NLK: variants seen among roughly 807,000 people sequenced by gnomAD.
The protein encoded by NLK is serine/threonine-protein kinase NLK.
A neutral mutation model predicts 59.0 loss-of-function variants in NLK; 11 were observed. The ratio of observed to expected loss-of-function variants is 0.19; its 90% CI spans 0.12 to 0.31. The LOEUF (loss-of-function observed/expected upper bound fraction) is 0.31, where lower values mean the gene tolerates loss of function less well. Ranked by LOEUF, NLK falls within the 10% of genes least tolerant of loss-of-function variation. The pLI is 1.00. For missense variants in NLK, 410 were observed against 661.1 expected, an observed-to-expected ratio of 0.62 and a Z score of 4.16; for synonymous variants, 235 against 235.9, an observed-to-expected ratio of 1.00 and a Z score of 0.03.
At chr17:28,197,323 G>A (rs1909505919), downstream of NLK, among the ~76,000 whole-genome samples, 1 of 152,026 alleles carries the variant, frequency 6.6e-6, no homozygotes, top group Admixed American at 6.6e-5. Context: ...ATAAAAATTA[G>A]CCAGGCATGG....
In NLK at chr17:28,158,287, A is replaced by C. The variant is rs367874522; in HGVS notation, c.645-2873A>C. Among the ~76,000 whole-genome samples, 61 of 152,362 alleles carry C rather than the reference A, an allele frequency of 4.0e-4. 1 individual carries two copies. Among genetic ancestry groups the C allele is most frequent in the African/African-American group, 1.4e-3 (58 of 41,594 alleles). On this transcript the variant is annotated intron_variant, in intron 3 of 10. Coordinates refer to ENST00000407008, the MANE Select transcript of NLK (RefSeq NM_016231.5). ...TTTGTATATCTAAACGTATCTGAACATAGAAAAGGTACAGTAAAAATATGA... is the reference window on the plus strand; with the variant it reads ...TTTGTATATCTAAACGTATCTGAACCTAGAAAAGGTACAGTAAAAATATGA...
chr17:28,080,993 G>A (rs1466066263), intron 1 of NLK, among the ~76,000 whole-genome samples: 2 of 151,316 alleles, frequency 1.3e-5, no homozygotes, highest in East Asian at 1.9e-4. Context: ...GGGCTCAATC[G>A]ATCCACCCAC....
At chr17:28,115,505 A>G (rs568938138) in intron 1 of NLK, among the ~76,000 whole-genome samples, 9 of 152,282 alleles carry the variant, frequency 5.9e-5, no homozygotes, top group African/African-American at 2.2e-4. Flanking sequence ...TTTCTGTTTC[A>G]TCTGTCTTTG....
chr17:28,121,415 A>G (rs1159299158), intron 1 of NLK, among the ~76,000 whole-genome samples: 3 of 150,998 alleles, frequency 2.0e-5, no homozygotes, highest in African/African-American at 7.3e-5. Context: ...GCTCTAGGTT[A>G]ATTCATGGAA....
At chr17:28,145,323 C>G (rs1907200714) in intron 3 of NLK, among the ~76,000 whole-genome samples, 1 of 152,046 alleles carries the variant, frequency 6.6e-6, no homozygotes, top group African/African-American at 2.4e-5. Flanking sequence ...GAATACTAAT[C>G]TGATAGGTAA....
At chr17:28,140,692 A>G (rs1375516595) in intron 3 of NLK, among the ~76,000 whole-genome samples, 1 of 152,028 alleles carries the variant, frequency 6.6e-6, no homozygotes, top group African/African-American at 2.4e-5. Context: ...TTTTCAAATA[A>G]TTATAGTACC....
intron 7 of NLK, among the ~76,000 whole-genome samples, chr17:28,179,364 G>A (rs769427204): frequency 8.2e-4 from 124 of 151,734 alleles, no homozygotes; most frequent in Non-Finnish European, 1.5e-3. Context: ...CGAATAACTG[G>A]GACTACAAGC....
At chr17:28,059,897 G>A (rs919061622) in intron 1 of NLK, among the ~76,000 whole-genome samples, 1 of 152,088 alleles carries the variant, frequency 6.6e-6, no homozygotes, top group Non-Finnish European at 1.5e-5. Flanking sequence ...AGATAAAATA[G>A]GTGTTAGATA....
At chr17:28,079,877 G>A (rs1418749518) in intron 1 of NLK, among the ~76,000 whole-genome samples, 3 of 152,152 alleles carry the variant, frequency 2.0e-5, no homozygotes, top group Admixed American at 1.3e-4. Flanking sequence ...TCATATCCAA[G>A]AAATAATTGC....
intron 4 of NLK, among the ~76,000 whole-genome samples, chr17:28,162,594 G>C (rs947213021): frequency 6.6e-6 from 1 of 152,068 alleles, no homozygotes; most frequent in African/African-American, 2.4e-5. Flanking sequence ...CCAAGATCGC[G>C]TCACTGCACT....
intron 3 of NLK, among the ~76,000 whole-genome samples, chr17:28,137,929 A>G (rs924773834): frequency 6.6e-6 from 1 of 152,082 alleles, no homozygotes; most frequent in Non-Finnish European, 1.5e-5. Context: ...ATATTATTTA[A>G]TAATTTTAAA....
At chr17:28,104,450 T>C (rs1597682503) in intron 1 of NLK, among the ~76,000 whole-genome samples, 1 of 152,090 alleles carries the variant, frequency 6.6e-6, no homozygotes, top group East Asian at 1.9e-4. Context: ...GAGACGAGGT[T>C]TCACCATGTT....
intron 3 of NLK, among the ~76,000 whole-genome samples, chr17:28,154,236 G>GA (rs1907606006): frequency 5.9e-5 from 9 of 152,138 alleles, no homozygotes. Context: ...AGAAAGTGGG[G>GA]ATACATGTGG....
At chr17:28,181,798 C>T (rs921999534) in intron 7 of NLK, among the ~76,000 whole-genome samples, 2 of 151,908 alleles carry the variant, frequency 1.3e-5, no homozygotes, top group African/African-American at 4.8e-5. Context: ...AAGGCTTGAG[C>T]TCAGGACTTT....
At chr17:28,063,228 G>T (rs1909725104) in intron 1 of NLK, among the ~76,000 whole-genome samples, 1 of 152,162 alleles carries the variant, frequency 6.6e-6, no homozygotes, top group Non-Finnish European at 1.5e-5. Flanking sequence ...CATGGCGACT[G>T]GCAACATTTT....
At chr17:28,144,305 AT>A (rs982195939) in intron 3 of NLK, among the ~76,000 whole-genome samples, 5 of 143,892 alleles carry the variant, frequency 3.5e-5, no homozygotes, top group Middle Eastern at 4.1e-3. Context: ...CAACAGCTGG[AT>A]TTTTTTTCCC....
At chr17:28,168,376 A>G (rs1467279599) in intron 5 of NLK, 72 bp from the exon 6 acceptor site, 14 of 1,190,610 alleles carry the variant, frequency 1.2e-5, no homozygotes, top group Non-Finnish European at 1.2e-5. Flanking sequence ...TGCCCTATCA[A>G]AATTTTGATG....
At chr17:28,080,806 T>C (rs1170677966) in intron 1 of NLK, among the ~76,000 whole-genome samples, 1 of 152,208 alleles carries the variant, frequency 6.6e-6, no homozygotes, top group Non-Finnish European at 1.5e-5. Flanking sequence ...CTAAAAGATT[T>C]ATTCGGTGTA....
chr17:28,048,185 T>A (rs1417132696), intron 1 of NLK: 1 of 377,532 alleles, frequency 2.6e-6, no homozygotes, highest in African/African-American at 2.1e-5. Context: ...GAGTAGAGAA[T>A]AAAAGTAACA....
Sources: allele counts gnomAD v4.1 joint callset (sites outside exome capture counted in the v4.1 genomes callset), GRCh38; gene constraint gnomAD v4.1.1; transcripts MANE v1.5; gene names NCBI Gene and HGNC (gene_info 2026-07-23, HGNC 2026-07-21).